PRRC2B: variants seen among roughly 807,000 people sequenced by gnomAD.
The protein encoded by PRRC2B is proline rich coiled-coil 2B.
Under a neutral mutation model 242.3 loss-of-function variants are expected in PRRC2B, and 68 were observed. The ratio of observed to expected loss-of-function variants is 0.28; its 90% CI spans 0.23 to 0.34. The LOEUF (loss-of-function observed/expected upper bound fraction) is 0.34. PRRC2B is among the 10% of genes least tolerant of loss of function. The pLI is 1.00. For missense variants in PRRC2B, 2,835 were observed against 2,954.8 expected (o/e 0.96, Z 0.94); for synonymous variants, 1,228 against 1,173.6 (o/e 1.05, Z -0.95).
intron 28 of PRRC2B, chr9:131,490,856 C>T (rs1004387357): frequency 2.9e-5 from 9 of 315,582 alleles, no homozygotes; most frequent in Admixed American, 1.2e-4. Flanking sequence ...TTGGCTTCGC[C>T]ATTACTTCTG....
intron 4 of PRRC2B, among the ~76,000 whole-genome samples, chr9:131,438,280 AGGCTGGAGACT>A (rs1415532293): frequency 6.6e-6 from 1 of 152,184 alleles, no homozygotes. Flanking sequence ...GGACATAGGC[AGGCTGGAGACT>A]GGTCCTGGTC....
chr9:131,458,529 C>G (rs977342322), intron 10 of PRRC2B, among the ~76,000 whole-genome samples: 2 of 149,722 alleles, frequency 1.3e-5, no homozygotes, highest in Non-Finnish European at 3.0e-5. Flanking sequence ...GAGACGGAGT[C>G]TCTCTCTGTT....
chr9:131,422,528 C>T (rs531102350), intron 1 of PRRC2B, among the ~76,000 whole-genome samples: 12 of 152,308 alleles, frequency 7.9e-5, no homozygotes, highest in African/African-American at 2.4e-4. Flanking sequence ...AATGCGGAGC[C>T]GTAGTGGTTC....
intron 19 of PRRC2B, among the ~76,000 whole-genome samples, chr9:131,480,686 A>G (rs1943833450): frequency 6.6e-6 from 1 of 151,846 alleles, no homozygotes; most frequent in South Asian, 2.1e-4. Context: ...CCTGGGTTCA[A>G]GCAATCCTTC....
At chr9:131,432,272 C>T (rs1053102463) in intron 2 of PRRC2B, among the ~76,000 whole-genome samples, 2 of 152,154 alleles carry the variant, frequency 1.3e-5, no homozygotes, top group Non-Finnish European at 2.9e-5. Flanking sequence ...CCAGAGCTGT[C>T]TCAACTTGCA....
At chr9:131,481,617 G>T (rs1384909528) in intron 19 of PRRC2B, 109 bp from the exon 20 acceptor site, 2 of 863,142 alleles carry the variant, frequency 2.3e-6, no homozygotes, top group Non-Finnish European at 3.8e-6. Context: ...AGGGGAGGCA[G>T]GGGAGTTGGA....
chr9:131,471,946 T>C (rs1005880885), intron 14 of PRRC2B, among the ~76,000 whole-genome samples: 1 of 152,230 alleles, frequency 6.6e-6, no homozygotes, highest in African/African-American at 2.4e-5. Flanking sequence ...AATGTCCCAC[T>C]ATGATGATGG....
At chr9:131,425,002 T>G (rs1399647227) in intron 1 of PRRC2B, among the ~76,000 whole-genome samples, 1 of 152,194 alleles carries the variant, frequency 6.6e-6, no homozygotes, top group Non-Finnish European at 1.5e-5. Context: ...ATTCTCACTC[T>G]GCTGCCCAGG....
At chr9:131,472,910 A>G (rs1010781916) in intron 14 of PRRC2B, among the ~76,000 whole-genome samples, 1 of 151,844 alleles carries the variant, frequency 6.6e-6, no homozygotes, top group African/African-American at 2.4e-5. Context: ...TTGCTTCTAC[A>G]TTTCATTTCT....
At position 131,474,669 on chromosome 9, in the gene PRRC2B, C is replaced by T. The variant is rs781177809; in HGVS notation, c.2540C>T (p.Thr847Ile). 3.7e-6 allele frequency: 6 copies of T among 1,613,494 alleles called. No individual in the cohort carries two copies. Among genetic ancestry groups the T allele is most frequent in the Non-Finnish European group, 5.1e-6 (6 of 1,179,676 alleles). Residue 847 changes from threonine to isoleucine, a missense_variant, in exon 16 of 32, where the codon ACC becomes ATC. This residue lies in a region of PRRC2B where 1,536 missense variants were observed against 1,483.1 expected (regional missense o/e 1.04). Transcript: ENST00000683519. ...GATGCAGGTGCTCCTGGGGGTCACA[C>T]CCAAAACCTCAGGTGTTCCCCATTG... ...VQDAGAPGGH[T>I]QNLRCSPLEP...
chr9:131,457,997 C>T (rs1334613500), intron 10 of PRRC2B, among the ~76,000 whole-genome samples: 3 of 152,102 alleles, frequency 2.0e-5, no homozygotes, highest in Admixed American at 6.6e-5. Flanking sequence ...GCAGTATTAC[C>T]GGGCCCTTGC....
rs373006321 is a variant in PRRC2B, at chr9:131,471,025, G to C, written c.2107+42G>C. ...GACGGTCCATACCTGTATCACCCAGGATAGCGTGGTGGTCAAGGGTGTCCT... is the reference window on the plus strand; with the variant it reads ...GACGGTCCATACCTGTATCACCCAGCATAGCGTGGTGGTCAAGGGTGTCCT... On this transcript the variant is annotated intron_variant, in intron 14 of 31. Coordinates refer to ENST00000683519, the MANE Select transcript of PRRC2B (RefSeq NM_013318.4). The C allele has an allele frequency of 2.7e-5, 39 of 1,466,748 alleles. No individual in the cohort carries two copies. The African/African-American group carries it at 4.1e-4, about 16-fold the overall frequency. 90.9% of individuals were successfully genotyped at this position (1,466,748 alleles called of 1,614,324 possible). A position where few individuals can be genotyped will look rare whatever the true frequency, so the allele number is the denominator to read the frequency against.
At chr9:131,425,031 A>T (rs532425454) in intron 1 of PRRC2B, among the ~76,000 whole-genome samples, 1 of 152,074 alleles carries the variant, frequency 6.6e-6, no homozygotes, top group African/African-American at 2.4e-5. Context: ...CAATGGCGCA[A>T]TCTTGGCTCA....
upstream of PRRC2B, among the ~76,000 whole-genome samples, chr9:131,390,927 C>T (rs773380212): frequency 2.6e-5 from 4 of 151,702 alleles, no homozygotes; most frequent in African/African-American, 4.8e-5. Flanking sequence ...GCTGGGATTA[C>T]AGGCACATAC....
intron 18 of PRRC2B, 30 bp downstream of exon 18, chr9:131,478,649 G>GGGGGGGGGCCCGGGGC: frequency 4.0e-6 from 2 of 504,562 alleles, no homozygotes; most frequent in South Asian, 1.5e-5. Flanking sequence ...GGGGCATGGG[G>GGGGGGGGGCCCGGGGC]CTGGAGGGCA....
At chr9:131,393,365 A>T (rs1009668631), upstream of PRRC2B, among the ~76,000 whole-genome samples, 4 of 152,142 alleles carry the variant, frequency 2.6e-5, no homozygotes, top group Non-Finnish European at 5.9e-5. Context: ...CTAAAAAAGT[A>T]AGAACCCTCC....
chr9:131,403,053 A>G (rs1273795489), intron 1 of PRRC2B, among the ~76,000 whole-genome samples: 4 of 152,182 alleles, frequency 2.6e-5, no homozygotes, highest in Non-Finnish European at 5.9e-5. Context: ...GACTCTTTCC[A>G]TGGGTCCTTT....
At chr9:131,378,338 C>T (rs993947193) in intron 1 of PRRC2B, among the ~76,000 whole-genome samples, 5 of 149,398 alleles carry the variant, frequency 3.3e-5, no homozygotes, top group Non-Finnish European at 5.9e-5. Flanking sequence ...AAAGTCCTGG[C>T]AGGCCTGTGC....
chr9:131,486,801 T>G (rs1319861837), intron 26 of PRRC2B, among the ~76,000 whole-genome samples: 1 of 152,236 alleles, frequency 6.6e-6, no homozygotes, highest in East Asian at 1.9e-4. Flanking sequence ...AACTGCTGTA[T>G]TGTTTGGTTA....
Sources: allele counts gnomAD v4.1 joint callset (sites outside exome capture counted in the v4.1 genomes callset), GRCh38; gene constraint gnomAD v4.1.1; regional missense constraint gnomAD v4.1.1; transcripts MANE v1.5; gene names NCBI Gene and HGNC (gene_info 2026-07-23, HGNC 2026-07-21).